The following NCKAP5L variants were observed in gnomAD, a reference collection of about 807,000 sequenced individuals.
The protein encoded by NCKAP5L is nck-associated protein 5-like.
In NCKAP5L, 54 loss-of-function variants were observed where a neutral mutation model predicts 103.2. The observed-to-expected ratio is 0.52, with a 90% CI of 0.42 to 0.66. The LOEUF (loss-of-function observed/expected upper bound fraction) is 0.66. Among genes scored for constraint, NCKAP5L ranks in the 30% least tolerant of loss-of-function variants. The pLI is 0.00. For synonymous variants in NCKAP5L, 762 were observed against 748.6 expected, an observed-to-expected ratio of 1.02 and a Z score of -0.29; for missense variants, 1,733 against 1,750.6, an observed-to-expected ratio of 0.99 and a Z score of 0.18.
intron 1 of NCKAP5L, among the ~76,000 whole-genome samples, chr12:49,826,464 T>C (rs530370314): frequency 6.6e-6 from 1 of 152,262 alleles, no homozygotes; most frequent in African/African-American, 2.4e-5. Context: ...AGGCTTAGAA[T>C]AAGGGAATCT....
chr12:49,800,215 CCATT>C (rs1406540295), intron 6 of NCKAP5L, among the ~76,000 whole-genome samples: 1 of 152,236 alleles, frequency 6.6e-6, no homozygotes, highest in Admixed American at 6.5e-5. Flanking sequence ...TTCCATCCAT[CCATT>C]AAGGCCCAGT....
At position 49,795,140 on chromosome 12, in the gene NCKAP5L, G is replaced by A; in HGVS notation, c.2720C>T (p.Ala907Val). Residue 907 changes from alanine to valine, a missense_variant, in exon 8 of 13, where the codon GCC becomes GTC. Ala to Val is a moderately conservative substitution (Grantham distance 64). Coordinates refer to ENST00000335999, the MANE Select transcript of NCKAP5L (RefSeq NM_001037806.4). ...RLQGQERAPG[A>V]EVKHRNTSSI... The stretch of plus-strand genomic sequence containing the variant: ...GCTGGTGTTGCGGTGCTTGACCTCG[G>A]CGCCAGGGGCTCGCTCCTGGCCCTG... 6.2e-7 allele frequency: 1 copy of A among 1,611,192 alleles called. No homozygotes were observed. The highest frequency in any genetic ancestry group is 8.5e-7 in the Non-Finnish European group (1 of 1,179,252).
intron 1 of NCKAP5L, among the ~76,000 whole-genome samples, chr12:49,812,751 A>T (rs1046906882): frequency 6.6e-6 from 1 of 152,186 alleles, no homozygotes; most frequent in African/African-American, 2.4e-5. Context: ...CATTCTACTG[A>T]TGAACATTTG....
At chr12:49,798,710 G>A (rs944736479) in intron 6 of NCKAP5L, among the ~76,000 whole-genome samples, 2 of 152,208 alleles carry the variant, frequency 1.3e-5, no homozygotes, top group African/African-American at 4.8e-5. Flanking sequence ...TGAATGTCCC[G>A]AGCCCAGAGG....
chr12:49,813,406 T>A (rs1946262547), intron 1 of NCKAP5L, among the ~76,000 whole-genome samples: 1 of 152,250 alleles, frequency 6.6e-6, no homozygotes, highest in Admixed American at 6.5e-5. Flanking sequence ...ATGTTAAACA[T>A]CTTTGCATGT....
At position 49,808,964 on chromosome 12, in the gene NCKAP5L, G is replaced by A. The variant is rs142957317; in HGVS notation, c.-98-2923C>T. Among the ~76,000 whole-genome samples the A allele has an allele frequency of 5.5e-3, 837 of 152,252 alleles. 7 individuals carry two copies. The highest frequency in any genetic ancestry group is 0.019 in the African/African-American group (798 of 41,536). The stretch of plus-strand genomic sequence containing the variant: ...CCACAAAGGCCTGATTCTGAGGGAG[G>A]TGACCTCAGTGCAGGGGGAGGGAGA... On this transcript the variant is annotated intron_variant, in intron 1 of 12. Coordinates refer to ENST00000335999, the MANE Select transcript of NCKAP5L (RefSeq NM_001037806.4).
chr12:49,825,676 G>A (rs1020225424), intron 1 of NCKAP5L, among the ~76,000 whole-genome samples: 1 of 152,138 alleles, frequency 6.6e-6, no homozygotes, highest in Non-Finnish European at 1.5e-5. Flanking sequence ...GGTAAGGAAG[G>A]CTTCCTTGGG....
At position 49,794,979 on chromosome 12, in the gene NCKAP5L, G is replaced by GCTTCCGGGCTTCCATCTTGACTTC; in HGVS notation, c.2857_2880dup (p.Glu953_Lys960dup). 1 of 1,590,104 alleles carries GCTTCCGGGCTTCCATCTTGACTTC rather than the reference G, an allele frequency of 6.3e-7. No homozygotes were observed. The highest frequency in any genetic ancestry group is 1.1e-5 in the South Asian group (1 of 88,282). ...GAGATGTTGAGGCTCTCGGCCTCCA[G>GCTTCCGGGCTTCCATCTTGACTTC]CTTCCGGGCTTCCATCTTGACTTCC... On this transcript the variant is annotated inframe_insertion, in exon 8 of 13. Coordinates refer to ENST00000335999, the MANE Select transcript of NCKAP5L (RefSeq NM_001037806.4).
chr12:49,820,054 C>A (rs1946343727), intron 1 of NCKAP5L, among the ~76,000 whole-genome samples: 1 of 152,218 alleles, frequency 6.6e-6, no homozygotes, highest in Non-Finnish European at 1.5e-5. Flanking sequence ...CCTCTCCTAT[C>A]CCCTGGCCGA....
chr12:49,816,272 AC>A (rs1163516286), intron 1 of NCKAP5L, among the ~76,000 whole-genome samples: 2 of 152,050 alleles, frequency 1.3e-5, no homozygotes, highest in East Asian at 3.9e-4. Flanking sequence ...GCCCTGAGCC[AC>A]CCTGCCCCCT....
intron 6 of NCKAP5L, 140 bp from the exon 7 acceptor site, chr12:49,798,603 G>T (rs925167816): frequency 1.4e-6 from 1 of 722,926 alleles, no homozygotes; most frequent in Non-Finnish European, 2.4e-6. Context: ...AGCTCTTGCT[G>T]CTGCCCCACC....
At chr12:49,803,776 G>A (rs1946148244) in intron 3 of NCKAP5L, 146 bp downstream of exon 3, 1 of 1,102,120 alleles carries the variant, frequency 9.1e-7, no homozygotes, top group African/African-American at 1.6e-5. Context: ...GCAAAAGAAT[G>A]TTCTGCTAGC....
At chr12:49,826,832 C>T (rs1946421785) in intron 1 of NCKAP5L, among the ~76,000 whole-genome samples, 1 of 152,190 alleles carries the variant, frequency 6.6e-6, no homozygotes, top group Non-Finnish European at 1.5e-5. Context: ...TCTTCCCTGC[C>T]AACCACAGCA....
intron 1 of NCKAP5L, among the ~76,000 whole-genome samples, chr12:49,819,068 C>G (rs1038536905): frequency 6.6e-6 from 1 of 151,030 alleles, no homozygotes; most frequent in Admixed American, 6.6e-5. Flanking sequence ...TGCAGTGGCT[C>G]GCGCCTGTAA....
In NCKAP5L at chr12:49,828,409, G is replaced by C. The variant is rs577478374; in HGVS notation, c.-186C>G. On this transcript the variant is annotated 5_prime_UTR_variant, in exon 1 of 13. Coordinates refer to ENST00000335999, the MANE Select transcript of NCKAP5L (RefSeq NM_001037806.4). ...GGGGGCGGGGGGCAGAGAAAGGGGGGTGCCGGAGCCGCCTCCTGATGTCAA... is the reference window on the plus strand; with the variant it reads ...GGGGGCGGGGGGCAGAGAAAGGGGGCTGCCGGAGCCGCCTCCTGATGTCAA... 1 of 152,698 alleles carries C rather than the reference G, an allele frequency of 6.5e-6. No individual in the cohort carries two copies. The allele number at this position is 152,698 out of a possible 1,614,324, so 9.5% of individuals were successfully genotyped here. A position where few individuals can be genotyped will look rare whatever the true frequency, so the allele number is the denominator to read the frequency against.
chr12:49,817,939 G>C (rs1402788425), intron 1 of NCKAP5L, among the ~76,000 whole-genome samples: 1 of 152,094 alleles, frequency 6.6e-6, no homozygotes, highest in Non-Finnish European at 1.5e-5. Context: ...GACCAGCCTG[G>C]GCAACATGGT....
At chr12:49,808,748 C>T (rs766358214) in intron 1 of NCKAP5L, among the ~76,000 whole-genome samples, 1 of 152,206 alleles carries the variant, frequency 6.6e-6, no homozygotes, top group Admixed American at 6.5e-5. Flanking sequence ...CTCCTGCTCA[C>T]AGCCATGAGC....
At chr12:49,793,619 C>A (rs965719165) in intron 9 of NCKAP5L, 115 bp downstream of exon 9, 61 of 1,367,262 alleles carry the variant, frequency 4.5e-5, no homozygotes, top group Middle Eastern at 2.2e-4. Flanking sequence ...CCCGTAGAGA[C>A]TGTGAGTGCA....
intron 1 of NCKAP5L, among the ~76,000 whole-genome samples, chr12:49,827,464 G>A (rs191921019): frequency 3.5e-4 from 54 of 152,356 alleles, no homozygotes; most frequent in Admixed American, 1.8e-3. Flanking sequence ...CTGTGCCCTT[G>A]GGGCCGTGCC....
Sources: gnomAD v4.1 joint callset for allele counts (sites outside exome capture counted in the v4.1 genomes callset) on GRCh38, gnomAD v4.1.1 for gene constraint, MANE v1.5 for transcripts, NCBI Gene and HGNC (gene_info 2026-07-23, HGNC 2026-07-21) for gene names.